Variants in STYK1 observed in about 807,000 individuals in gnomAD.
STYK1 encodes STY kinase 1.
STYK1 carries 46 observed loss-of-function variants against 48.1 expected under a neutral mutation model. That is an observed-to-expected ratio of 0.96 (90% CI 0.75 to 1.22). The LOEUF is 1.22. Among genes scored for constraint, STYK1 ranks in the 50% most tolerant of loss-of-function variants. The probability of loss-of-function intolerance (pLI) is 0.00; values close to 1 mark genes in which losing one functional copy is unlikely to be tolerated. For synonymous variants in STYK1, 188 were observed against 189.0 expected (o/e 0.99, Z 0.04); for missense variants, 527 against 521.1 (o/e 1.01, Z -0.11).
At chr12:10,659,895 C>G (rs1170830270) in intron 1 of STYK1, among the ~76,000 whole-genome samples, 1 of 152,008 alleles carries the variant, frequency 6.6e-6, no homozygotes, top group Admixed American at 6.6e-5. Context: ...TATGGTACAC[C>G]TGTTGTTAGA....
At chr12:10,651,219 G>C (rs754900433) in intron 1 of STYK1, among the ~76,000 whole-genome samples, 2 of 152,128 alleles carry the variant, frequency 1.3e-5, no homozygotes, top group Non-Finnish European at 2.9e-5. Flanking sequence ...TGAGCGAAAT[G>C]CTGGGCTCAC....
intron 1 of STYK1, among the ~76,000 whole-genome samples, chr12:10,668,860 G>T (rs1365757147): frequency 1.3e-5 from 2 of 152,088 alleles, no homozygotes; most frequent in Admixed American, 6.5e-5. Context: ...TTAATTTCCT[G>T]GAGAGCACAG....
intron 1 of STYK1, among the ~76,000 whole-genome samples, chr12:10,640,231 G>A (rs1202317876): frequency 2.0e-5 from 3 of 152,116 alleles, no homozygotes; most frequent in Non-Finnish European, 2.9e-5. Context: ...GAAATTGCAG[G>A]GGACAGGGCA....
chr12:10,631,443 T>C, intron 4 of STYK1, 135 bp from the exon 5 acceptor site: 1 of 1,094,014 alleles, frequency 9.1e-7, no homozygotes. Flanking sequence ...TTCTGATGCT[T>C]CTCTATAAAC....
chr12:10,664,024 C>G (rs533651737), intron 1 of STYK1, among the ~76,000 whole-genome samples: 1 of 152,276 alleles, frequency 6.6e-6, no homozygotes, highest in African/African-American at 2.4e-5. Context: ...TGTTCTGTCT[C>G]CGAAAGAATC....
intron 6 of STYK1, among the ~76,000 whole-genome samples, chr12:10,628,141 G>A (rs992068075): frequency 6.6e-6 from 1 of 152,228 alleles, no homozygotes; most frequent in Non-Finnish European, 1.5e-5. Context: ...ACAAGCATGA[G>A]TAAAATAGCA....
intron 1 of STYK1, among the ~76,000 whole-genome samples, chr12:10,663,759 A>C (rs1947805191): frequency 6.8e-6 from 1 of 147,172 alleles, no homozygotes; most frequent in Non-Finnish European, 1.5e-5. Context: ...AAAAGGCTGG[A>C]ATTTTGATAG....
intron 1 of STYK1, among the ~76,000 whole-genome samples, chr12:10,659,664 C>T (rs979629353): frequency 5.3e-5 from 8 of 152,082 alleles, no homozygotes; most frequent in African/African-American, 1.7e-4. Context: ...TGGCTGAGCT[C>T]AAGGAGTTTT....
intron 1 of STYK1, among the ~76,000 whole-genome samples, chr12:10,649,152 T>C (rs889157172): frequency 4.6e-5 from 7 of 152,102 alleles, no homozygotes; most frequent in South Asian, 2.1e-4. Context: ...TGCTTCAAAA[T>C]ATAATTCATG....
In STYK1 at chr12:10,649,239, G is replaced by A. The variant is rs1947633481; in HGVS notation, c.-194-12043C>T. Among the ~76,000 whole-genome samples, 3 of 151,966 alleles carry A rather than the reference G, an allele frequency of 2.0e-5. No homozygotes were observed. The South Asian group carries it at 6.2e-4, about 32-fold the overall frequency. On this transcript the variant is annotated intron_variant, in intron 1 of 10. Transcript: ENST00000075503. Reference sequence around the variant, plus strand: ...TGTGTTCAAAATTGCCAAATTCAGGGGATATACATGGGAAGTCATTGTACT... The same window carrying A: ...TGTGTTCAAAATTGCCAAATTCAGGAGATATACATGGGAAGTCATTGTACT...
chr12:10,650,128 A>C (rs1319074999), intron 1 of STYK1, among the ~76,000 whole-genome samples: 3 of 145,632 alleles, frequency 2.1e-5, no homozygotes, highest in Non-Finnish European at 4.5e-5. Flanking sequence ...TCAAAAAAAA[A>C]AAAAAAAAAA....
At chr12:10,657,987 T>C (rs995426057) in intron 1 of STYK1, among the ~76,000 whole-genome samples, 2 of 152,224 alleles carry the variant, frequency 1.3e-5, no homozygotes, top group Admixed American at 6.5e-5. Context: ...GGTTCTAAGT[T>C]AAGTTATCCT....
chr12:10,658,155 C>A (rs1440806626), intron 1 of STYK1, among the ~76,000 whole-genome samples: 1 of 152,140 alleles, frequency 6.6e-6, no homozygotes, highest in African/African-American at 2.4e-5. Flanking sequence ...AAAAGCACAA[C>A]AGGGTGTTCT....
intron 1 of STYK1, among the ~76,000 whole-genome samples, chr12:10,659,026 C>T (rs186106890): frequency 5.3e-4 from 80 of 152,248 alleles, no homozygotes; most frequent in African/African-American, 1.9e-3. Context: ...ATGCAGGTTT[C>T]TGATAACTTT....
chr12:10,662,892 G>A (rs539921624), intron 1 of STYK1, among the ~76,000 whole-genome samples: 29 of 152,182 alleles, frequency 1.9e-4, no homozygotes, highest in African/African-American at 4.8e-4. Flanking sequence ...TGCTTTTGAC[G>A]TGTGTCTAAG....
chr12:10,627,815 C>A, intron 6 of STYK1, 91 bp from the exon 7 acceptor site: 1 of 1,088,000 alleles, frequency 9.2e-7, no homozygotes, highest in South Asian at 1.6e-5. Context: ...CTCTGAAATG[C>A]AGTTATCAAA....
chr12:10,673,068 G>A (rs1044695160), intron 1 of STYK1, among the ~76,000 whole-genome samples: 2 of 152,076 alleles, frequency 1.3e-5, no homozygotes, highest in Non-Finnish European at 2.9e-5. Context: ...CCAATGTGGA[G>A]AGGACCCATT....
chr12:10,653,298 G>A (rs182301555), intron 1 of STYK1, among the ~76,000 whole-genome samples: 55 of 151,720 alleles, frequency 3.6e-4, no homozygotes, highest in Middle Eastern at 6.8e-3. Flanking sequence ...GGATGGTCTC[G>A]ACCTTGGCCT....
chr12:10,636,812 G>A (rs1170255320), intron 2 of STYK1, among the ~76,000 whole-genome samples: 1 of 152,098 alleles, frequency 6.6e-6, no homozygotes, highest in Non-Finnish European at 1.5e-5. Flanking sequence ...CACAGCACAG[G>A]TGGAAAAAAG....
Sources: gnomAD v4.1 joint callset for allele counts (sites outside exome capture counted in the v4.1 genomes callset) on GRCh38, gnomAD v4.1.1 for gene constraint, MANE v1.5 for transcripts, NCBI Gene and HGNC (gene_info 2026-07-23, HGNC 2026-07-21) for gene names.